TRPC6: variants seen among roughly 807,000 people sequenced by gnomAD.
TRPC6 encodes the protein transient receptor potential cation channel subfamily C member 6, also known as short transient receptor potential channel 6.
In TRPC6, 55 loss-of-function variants were observed where a neutral mutation model predicts 90.7. The ratio of observed to expected loss-of-function variants is 0.61; its 90% CI spans 0.49 to 0.76. The LOEUF is 0.76. TRPC6 is among the 30% of genes least tolerant of loss of function. The pLI, the probability that TRPC6 is intolerant of heterozygous loss-of-function variation, is 0.00. For synonymous variants in TRPC6, 393 were observed against 393.0 expected, an observed-to-expected ratio of 1.00 and a Z score of 0.00; for missense variants, 989 against 1,122.7, an observed-to-expected ratio of 0.88 and a Z score of 1.70.
intron 1 of TRPC6, among the ~76,000 whole-genome samples, chr11:101,542,609 TA>T (rs35068758): frequency 2.9e-4 from 42 of 144,820 alleles, no homozygotes; most frequent in East Asian, 1.0e-3. Flanking sequence ...GCTACAGCAT[TA>T]AAAAAAAAAA....
chr11:101,510,379 A>G (rs1412111386), intron 1 of TRPC6, among the ~76,000 whole-genome samples: 1 of 152,206 alleles, frequency 6.6e-6, no homozygotes, highest in Non-Finnish European at 1.5e-5. Context: ...CATCTGTTAA[A>G]AAGAGGAACA....
At chr11:101,517,869 AG>A (rs1860558261) in intron 1 of TRPC6, among the ~76,000 whole-genome samples, 1 of 152,198 alleles carries the variant, frequency 6.6e-6, no homozygotes, top group Non-Finnish European at 1.5e-5. Context: ...AAAGGAAATT[AG>A]TTTCTGGTCC....
intron 2 of TRPC6, among the ~76,000 whole-genome samples, chr11:101,501,721 T>A (rs1296575845): frequency 6.6e-6 from 1 of 152,004 alleles, no homozygotes; most frequent in East Asian, 1.9e-4. Context: ...AGAAATCTTT[T>A]CTGGTTTGTT....
At chr11:101,467,327 A>G (rs1054465112) in intron 10 of TRPC6, among the ~76,000 whole-genome samples, 1 of 152,224 alleles carries the variant, frequency 6.6e-6, no homozygotes, top group Non-Finnish European at 1.5e-5. Flanking sequence ...CACTGGATTA[A>G]TATCACTACC....
intron 1 of TRPC6, among the ~76,000 whole-genome samples, chr11:101,516,238 G>GAA (rs1293076406): frequency 2.0e-4 from 30 of 152,076 alleles, no homozygotes; most frequent in Non-Finnish European, 3.5e-4. Flanking sequence ...GTTCATGCTA[G>GAA]CAATGCATGG....
At chr11:101,582,939 C>G (rs1225295538) in intron 1 of TRPC6, among the ~76,000 whole-genome samples, 1 of 152,098 alleles carries the variant, frequency 6.6e-6, no homozygotes, top group Non-Finnish European at 1.5e-5. Context: ...TAAGAGTCAC[C>G]CGGGCGCACA....
chr11:101,571,919 A>G (rs1861973317), intron 1 of TRPC6, among the ~76,000 whole-genome samples: 1 of 152,226 alleles, frequency 6.6e-6, no homozygotes, highest in Non-Finnish European at 1.5e-5. Flanking sequence ...TAAAAACCCT[A>G]GAAGAAAACC....
At position 101,473,700 on chromosome 11, in the gene TRPC6, A is replaced by G. The variant is rs139187399; in HGVS notation, c.1818T>C (p.Ser606=). 598 of 1,613,768 alleles carry G rather than the reference A, an allele frequency of 3.7e-4. No homozygotes were observed. In the African/African-American group the frequency reaches 7.2e-3, roughly 19 times the overall value. The change falls in exon 7 of 13, where the codon AGT becomes AGC. Residue 606 remains serine (S), a synonymous_variant. Transcript: ENST00000344327. The part of the protein sequence containing the change: ...EGLYAIAVVL[S]FSRIAYILPA... ...GTAAAATATAAGCTATCCTAGAGAAACTTAAAACTACAGCAATTGCATAAA... is the reference window on the plus strand; with the variant it reads ...GTAAAATATAAGCTATCCTAGAGAAGCTTAAAACTACAGCAATTGCATAAA...
Position 101,491,694 on chromosome 11 carries a change from A to G in TRPC6, c.990T>C (p.Val330=). 6.2e-7 allele frequency: 1 copy of G among 1,614,066 alleles called. No homozygotes were observed. Among genetic ancestry groups the G allele is most frequent in the Non-Finnish European group, 8.5e-7 (1 of 1,180,010 alleles). The change falls in exon 3 of 13, where the codon GTT becomes GTC. Residue 330 remains valine (V), a synonymous_variant. Coordinates refer to ENST00000344327, the MANE Select transcript of TRPC6 (RefSeq NM_004621.6). The stretch of plus-strand genomic sequence containing the variant: ...TGTTTCTGCACAGATCAAGGAGTCC[A>G]ACAACAAAGTCTTTGCACTGCATTG... ...KLSMQCKDFV[V]GLLDLCRNTE...
intron 1 of TRPC6, among the ~76,000 whole-genome samples, chr11:101,548,202 T>C (rs1006703431): frequency 1.3e-5 from 2 of 148,200 alleles, no homozygotes; most frequent in African/African-American, 4.9e-5. Flanking sequence ...GCCAGGCATT[T>C]AAAATTTATC....
chr11:101,501,032 GTGAA>G (rs1337524900), intron 2 of TRPC6, among the ~76,000 whole-genome samples: 3 of 151,954 alleles, frequency 2.0e-5, no homozygotes, highest in African/African-American at 7.3e-5. Flanking sequence ...TTTAAACTGT[GTGAA>G]TGAACACAGT....
chr11:101,520,818 G>T (rs1375759864), intron 1 of TRPC6, among the ~76,000 whole-genome samples: 1 of 152,172 alleles, frequency 6.6e-6, no homozygotes, highest in Admixed American at 6.5e-5. Flanking sequence ...TGCCTTAGGG[G>T]ACTGTGGAAC....
chr11:101,568,951 A>C (rs2136881422), intron 1 of TRPC6, among the ~76,000 whole-genome samples: 1 of 152,092 alleles, frequency 6.6e-6, no homozygotes, highest in Non-Finnish European at 1.5e-5. Context: ...AGAAACTGCA[A>C]CTAATGGGCA....
At chr11:101,560,710 G>A (rs770001731) in intron 1 of TRPC6, among the ~76,000 whole-genome samples, 3 of 152,056 alleles carry the variant, frequency 2.0e-5, no homozygotes, top group East Asian at 1.9e-4. Context: ...GAAGCAACCC[G>A]GAGTGCAGAG....
rs576571203 is a variant in TRPC6, at chr11:101,546,851, A to G, written c.170+36483T>C. Among the ~76,000 whole-genome samples the G allele has an allele frequency of 5.3e-5, 8 of 152,324 alleles. No homozygotes were observed. The South Asian group carries it at 1.2e-3, about 24-fold the overall frequency. On this transcript the variant is annotated intron_variant, in intron 1 of 12. Transcript: ENST00000344327. ...ATAGAATGGATAAATAAAGGATGGTATATTTATACAAGGGATACTGTACAG... is the reference window on the plus strand; with the variant it reads ...ATAGAATGGATAAATAAAGGATGGTGTATTTATACAAGGGATACTGTACAG...
intron 1 of TRPC6, among the ~76,000 whole-genome samples, chr11:101,578,594 C>T (rs1167920407): frequency 6.7e-6 from 1 of 150,198 alleles, no homozygotes; most frequent in Non-Finnish European, 1.5e-5. Context: ...ATCTGTGACC[C>T]ATTTTTTAAA....
intron 2 of TRPC6, among the ~76,000 whole-genome samples, chr11:101,500,807 A>G (rs1860100971): frequency 6.6e-6 from 1 of 152,156 alleles, no homozygotes; most frequent in African/African-American, 2.4e-5. Flanking sequence ...AACCTCAAGG[A>G]GTAAAAGGAA....
intron 10 of TRPC6, among the ~76,000 whole-genome samples, chr11:101,467,729 C>G (rs1859183245): frequency 6.6e-6 from 1 of 152,178 alleles, no homozygotes; most frequent in Non-Finnish European, 1.5e-5. Flanking sequence ...CATATGGTCT[C>G]TCTCACATAT....
chr11:101,472,104 G>T, intron 8 of TRPC6, 33 bp downstream of exon 8: 2 of 1,600,426 alleles, frequency 1.2e-6, no homozygotes, highest in South Asian at 2.2e-5. Context: ...AAAACATGAA[G>T]GCACAAATTA....
Sources: allele counts gnomAD v4.1 joint callset (sites outside exome capture counted in the v4.1 genomes callset), GRCh38; gene constraint gnomAD v4.1.1; transcripts MANE v1.5; gene names NCBI Gene and HGNC (gene_info 2026-07-23, HGNC 2026-07-21).